CRPPA: variants seen among roughly 807,000 people sequenced by gnomAD.
CRPPA encodes CDP-L-ribitol pyrophosphorylase A, also known as D-ribitol-5-phosphate cytidylyltransferase.
A neutral mutation model predicts 52.0 loss-of-function variants in CRPPA; 43 were observed. The ratio of observed to expected loss-of-function variants is 0.83; its 90% confidence interval spans 0.65 to 1.07. CRPPA has a LOEUF of 1.07. Ranked by LOEUF, CRPPA falls within the 50% of genes least tolerant of loss-of-function variation. The pLI is 0.00. For synonymous variants in CRPPA, 250 were observed against 203.5 expected (o/e 1.23, Z -1.94); for missense variants, 629 against 551.7 (o/e 1.14, Z -1.40).
chr7:16,217,454 G>A (rs1193197849), intron 8 of CRPPA, among the ~76,000 whole-genome samples: 3 of 143,694 alleles, frequency 2.1e-5, no homozygotes, highest in Non-Finnish European at 3.1e-5. Flanking sequence ...TGACTTTGAC[G>A]AGCTGAGAGA....
intron 9 of CRPPA, among the ~76,000 whole-genome samples, chr7:16,208,142 C>T (rs1035110156): frequency 1.3e-5 from 2 of 152,114 alleles, no homozygotes. Context: ...TATAGCCTAC[C>T]TATGCACCCC....
chr7:16,177,562 A>G (rs756447121), intron 9 of CRPPA, among the ~76,000 whole-genome samples: 2 of 152,124 alleles, frequency 1.3e-5, no homozygotes, highest in Non-Finnish European at 2.9e-5. Flanking sequence ...ACATACGTAT[A>G]TGTTTCTACC....
intron 2 of CRPPA, among the ~76,000 whole-genome samples, chr7:16,405,218 C>A (rs938551553): frequency 4.6e-5 from 7 of 151,964 alleles, no homozygotes; most frequent in African/African-American, 1.7e-4. Flanking sequence ...AAAATAATAC[C>A]CTTTAAGCAC....
intron 9 of CRPPA, among the ~76,000 whole-genome samples, chr7:16,186,871 C>G (rs1377206049): frequency 2.0e-5 from 3 of 152,124 alleles, no homozygotes; most frequent in Admixed American, 6.5e-5. Flanking sequence ...GTCCCACCAT[C>G]AATGGATTCA....
In CRPPA at chr7:16,208,850, A is replaced by G. The variant is rs943897435; in HGVS notation, c.1251+7216T>C. 2.4e-5 allele frequency: 5 copies of G among 212,660 alleles called. No individual in the cohort carries two copies. In the Admixed American group the frequency reaches 2.6e-4, roughly 11 times the overall value. The allele number at this position is 212,660 out of a possible 1,614,324, so 13.2% of individuals were successfully genotyped here. ...GTGGCTGGCACATTATGTTGTATAT[A>G]ATGACATTGGGCACTTAGAAAATAA... is the stretch of plus-strand genomic sequence containing the variant. On this transcript the variant is annotated intron_variant, in intron 9 of 9. Coordinates refer to ENST00000407010, the MANE Select transcript of CRPPA (RefSeq NM_001101426.4).
chr7:16,396,694 G>T (rs546234605), intron 2 of CRPPA, among the ~76,000 whole-genome samples: 1 of 152,224 alleles, frequency 6.6e-6, no homozygotes, highest in Non-Finnish European at 1.5e-5. Flanking sequence ...CAGTCAATGA[G>T]TAGATAGAGA....
chr7:16,208,928 A>G, intron 9 of CRPPA: 1 of 343,984 alleles, frequency 2.9e-6, no homozygotes, highest in Non-Finnish European at 5.8e-6. Context: ...TTCCATGCCA[A>G]TAGCATTCCC....
intron 5 of CRPPA, among the ~76,000 whole-genome samples, chr7:16,300,156 A>G (rs554492591): frequency 1.5e-3 from 226 of 152,372 alleles, no homozygotes; most frequent in Admixed American, 2.9e-3. Flanking sequence ...GTTATAGTAC[A>G]TTAATAGTTT....
chr7:16,119,960 G>C (rs1719019447), intron 9 of CRPPA, among the ~76,000 whole-genome samples: 1 of 152,194 alleles, frequency 6.6e-6, no homozygotes, highest in African/African-American at 2.4e-5. Context: ...GATCACACAG[G>C]AGTGTCTTAA....
chr7:16,381,356 C>T (rs1191911479), intron 2 of CRPPA, among the ~76,000 whole-genome samples: 18 of 151,170 alleles, frequency 1.2e-4, no homozygotes, highest in South Asian at 2.1e-4. Context: ...GTCTGAGAGA[C>T]AGTTTGTTAT....
intron 2 of CRPPA, among the ~76,000 whole-genome samples, chr7:16,389,926 A>AT (rs1430354909): frequency 0.057 from 3,077 of 54,360 alleles, 34 homozygotes; most frequent in Non-Finnish European, 0.072. Context: ...AAAAAAAAAA[A>AT]AAATATATAT....
At chr7:16,201,737 A>G (rs988688945) in intron 9 of CRPPA, among the ~76,000 whole-genome samples, 1 of 152,196 alleles carries the variant, frequency 6.6e-6, no homozygotes, top group African/African-American at 2.4e-5. Flanking sequence ...CTTGCCCACT[A>G]AACTACAGGA....
In CRPPA at chr7:16,104,772, C is replaced by T. The variant is rs113470882; in HGVS notation, c.1252-12973G>A. Among the ~76,000 whole-genome samples, 475 of 151,952 alleles carry T rather than the reference C, an allele frequency of 3.1e-3. 5 individuals are homozygous for T. The highest frequency in any genetic ancestry group is 0.011 in the African/African-American group (451 of 41,458). On this transcript the variant is annotated intron_variant, in intron 9 of 9. Coordinates refer to ENST00000407010, the MANE Select transcript of CRPPA (RefSeq NM_001101426.4). ...ACAATTAGCCAGGCATGGTGGCGTG[C>T]GCCTGTAGTCCCAGCTACTCAGGAG...
chr7:16,182,741 A>T (rs1469206519), intron 9 of CRPPA, among the ~76,000 whole-genome samples: 3 of 152,134 alleles, frequency 2.0e-5, no homozygotes, highest in Non-Finnish European at 4.4e-5. Context: ...AATTTTAACC[A>T]ATCAGTTAGA....
At chr7:16,255,515 G>A (rs1279902555) in intron 8 of CRPPA, among the ~76,000 whole-genome samples, 6 of 152,092 alleles carry the variant, frequency 3.9e-5, no homozygotes, top group African/African-American at 1.4e-4. Flanking sequence ...CAAAGCTGGA[G>A]GCATCACGCT....
chr7:16,297,681 A>C (rs775641316), intron 5 of CRPPA, among the ~76,000 whole-genome samples: 6 of 152,224 alleles, frequency 3.9e-5, no homozygotes, highest in Non-Finnish European at 8.8e-5. Context: ...TTTGCAGGCA[A>C]AATCAGTCCT....
intron 9 of CRPPA, among the ~76,000 whole-genome samples, chr7:16,106,946 G>A (rs1251728141): frequency 6.6e-6 from 1 of 151,872 alleles, no homozygotes; most frequent in Non-Finnish European, 1.5e-5. Flanking sequence ...TTAAAAATTA[G>A]ATAAAAATCC....
At chr7:16,179,008 C>G (rs17367660) in intron 9 of CRPPA, among the ~76,000 whole-genome samples, 48 of 151,626 alleles carry the variant, frequency 3.2e-4, no homozygotes, top group African/African-American at 1.2e-3. Flanking sequence ...TGGAGTGTTT[C>G]AGGCACACAC....
chr7:16,406,908 G>C lies in CRPPA; in HGVS notation c.258-571C>G, dbSNP rs187607177. Among the ~76,000 whole-genome samples, 33 of 152,264 alleles carry C rather than the reference G, an allele frequency of 2.2e-4. No individual in the cohort carries two copies. The East Asian group carries it at 6.4e-3, about 29-fold the overall frequency. Reference sequence around the variant, plus strand: ...TGTAGCAATAAGGTTTAAGTAAAGTGGAAAAGCTTACAATTCATGAAATAG... The same window carrying C: ...TGTAGCAATAAGGTTTAAGTAAAGTCGAAAAGCTTACAATTCATGAAATAG... On this transcript the variant is annotated intron_variant, in intron 1 of 9. Transcript: ENST00000407010.
Sources: allele counts gnomAD v4.1 joint callset (sites outside exome capture counted in the v4.1 genomes callset), GRCh38; gene constraint gnomAD v4.1.1; transcripts MANE v1.5; gene names NCBI Gene and HGNC (gene_info 2026-07-23, HGNC 2026-07-21).